The following NUP160 variants were observed in gnomAD, a reference collection of about 807,000 sequenced individuals.
NUP160 encodes the protein nuclear pore complex protein Nup160.
Under a neutral mutation model 196.9 loss-of-function variants are expected in NUP160, and 94 were observed. The ratio of observed to expected loss-of-function variants is 0.48; its 90% CI spans 0.40 to 0.57. The LOEUF is 0.57. Ranked by LOEUF, NUP160 falls within the 20% of genes least tolerant of loss-of-function variation. The pLI is 0.00. For missense variants in NUP160, 1,638 were observed against 1,748.3 expected (o/e 0.94, Z 1.13); for synonymous variants, 605 against 619.7 (o/e 0.98, Z 0.35).
chr11:47,804,723 A>C (rs1341534219), intron 20 of NUP160, 105 bp from the exon 21 acceptor site: 1 of 712,318 alleles, frequency 1.4e-6, no homozygotes, highest in African/African-American at 1.9e-5. Context: ...AATTTACATA[A>C]ACAAGGCAGA....
exon 23 of NUP160, chr11:47,801,837 T>G: frequency 1.2e-6 from 2 of 1,613,414 alleles, no homozygotes; most frequent in Non-Finnish European, 1.7e-6. Context: ...AGCCTGGGGG[T>G]AGACACGATC....
chr11:47,788,541 G>T, exon 30 of NUP160: 1 of 1,614,026 alleles, frequency 6.2e-7, no homozygotes. Context: ...GAGCCAAAGT[G>T]AGGCGGATGC....
intron 29 of NUP160, among the ~76,000 whole-genome samples, chr11:47,789,913 T>C (rs2097666932): frequency 6.6e-6 from 1 of 151,622 alleles, no homozygotes; most frequent in Non-Finnish European, 1.5e-5. Flanking sequence ...AAACAGTCAA[T>C]TCACACATAT....
At chr11:47,848,272 C>T (rs1362789528) in exon 1 of NUP160, 3 of 1,614,202 alleles carry the variant, frequency 1.9e-6, no homozygotes, top group Non-Finnish European at 2.5e-6. Flanking sequence ...GCGCTCAGCT[C>T]CGCTTAGCTC....
At chr11:47,831,618 C>T (rs937195284) in intron 7 of NUP160, among the ~76,000 whole-genome samples, 1 of 151,176 alleles carries the variant, frequency 6.6e-6, no homozygotes, top group Non-Finnish European at 1.5e-5. Flanking sequence ...CCGAGGCAGG[C>T]GGATTACCTG....
At chr11:47,803,914 G>A (rs1476444450) in intron 21 of NUP160, among the ~76,000 whole-genome samples, 3 of 152,110 alleles carry the variant, frequency 2.0e-5, no homozygotes, top group Non-Finnish European at 2.9e-5. Flanking sequence ...GGCCAGGCAC[G>A]GTGGCTCATG....
chr11:47,806,146 AG>A lies in NUP160; in HGVS notation c.2606+6del. 3 of 1,613,358 alleles carry A rather than the reference AG, an allele frequency of 1.9e-6. No homozygotes were observed. The highest frequency in any genetic ancestry group is 2.5e-6 in the Non-Finnish European group (3 of 1,179,380). On this transcript the variant is annotated splice_donor_region_variant and intron_variant, in intron 20 of 35. Transcript: ENST00000378460. ...AGCTTTTCACTGGCTTCTAAATAAA[AG>A]GATACAAAAGCTGCAATAAATAACT... is the stretch of plus-strand genomic sequence containing the variant.
chr11:47,817,798 T>G (rs1017104051), intron 11 of NUP160, among the ~76,000 whole-genome samples: 1 of 152,210 alleles, frequency 6.6e-6, no homozygotes, highest in South Asian at 2.1e-4. Context: ...TACAGTACTG[T>G]AGGTAGAGGT....
At chr11:47,786,057 C>T (rs182668825) in intron 32 of NUP160, among the ~76,000 whole-genome samples, 14 of 152,280 alleles carry the variant, frequency 9.2e-5, no homozygotes. Flanking sequence ...GGGTGACAGA[C>T]TGCTGAACAG....
chr11:47,798,206 T>C (rs2097671978), exon 25 of NUP160: 2 of 1,612,952 alleles, frequency 1.2e-6, no homozygotes, highest in Non-Finnish European at 1.7e-6. Flanking sequence ...CTTCATATGC[T>C]TGGCTATTGT....
intron 17 of NUP160, among the ~76,000 whole-genome samples, chr11:47,809,238 A>G (rs938481425): frequency 7.0e-6 from 1 of 142,964 alleles, no homozygotes; most frequent in African/African-American, 2.6e-5. Flanking sequence ...TGGGCACAAC[A>G]GAAGTGAGAA....
chr11:47,847,696 G>C, intron 2 of NUP160, 152 bp downstream of exon 2: 1 of 586,400 alleles, frequency 1.7e-6, no homozygotes, highest in Non-Finnish European at 3.1e-6. Context: ...CTGTGTCTCA[G>C]TTTTCCCGAT....
At chr11:47,847,740 T>C (rs1852427652) in intron 2 of NUP160, 108 bp downstream of exon 2, 2 of 732,412 alleles carry the variant, frequency 2.7e-6, no homozygotes, top group South Asian at 1.5e-5. Flanking sequence ...TCTTTCTCTT[T>C]CCCTAAGTGT....
At chr11:47,798,608 C>T in intron 23 of NUP160, 145 bp from the exon 24 acceptor site, 2 of 599,172 alleles carry the variant, frequency 3.3e-6, no homozygotes, top group South Asian at 4.4e-5. Context: ...GAGGCTGAAG[C>T]AGCAGGATTG....
intron 20 of NUP160, 49 bp downstream of exon 20, chr11:47,806,104 A>G (rs937836620): frequency 1.9e-6 from 3 of 1,581,668 alleles, no homozygotes; most frequent in Non-Finnish European, 1.7e-6. Flanking sequence ...GTGAGCCAAC[A>G]TGCCCGGCCA....
At chr11:47,797,438 C>T (rs1311659126) in intron 27 of NUP160, among the ~76,000 whole-genome samples, 1 of 152,072 alleles carries the variant, frequency 6.6e-6, no homozygotes, top group Non-Finnish European at 1.5e-5. Context: ...GGGGTTTCGC[C>T]ATGTTGGCCA....
intron 17 of NUP160, among the ~76,000 whole-genome samples, chr11:47,810,681 G>C (rs1342745406): frequency 6.6e-6 from 1 of 151,894 alleles, no homozygotes; most frequent in East Asian, 1.9e-4. Context: ...TGAATGGCTG[G>C]GATTACAGGA....
chr11:47,813,898 C>G (rs184599995), intron 13 of NUP160, among the ~76,000 whole-genome samples: 1 of 151,410 alleles, frequency 6.6e-6, no homozygotes, highest in Non-Finnish European at 1.5e-5. Context: ...GGTGAAACCC[C>G]GTCTCTACTA....
At chr11:47,784,054 A>C (rs1023578294) in intron 33 of NUP160, among the ~76,000 whole-genome samples, 3 of 151,280 alleles carry the variant, frequency 2.0e-5, no homozygotes, top group African/African-American at 7.3e-5. Context: ...AAAACAAAAC[A>C]AAAAAAACCA....
Sources: allele counts gnomAD v4.1 joint callset (sites outside exome capture counted in the v4.1 genomes callset), GRCh38; gene constraint gnomAD v4.1.1; transcripts MANE v1.5; gene names NCBI Gene and HGNC (gene_info 2026-07-23, HGNC 2026-07-21).